Variants in CALN1 observed in about 807,000 individuals in gnomAD.
CALN1 encodes calneuron 1.
Under a neutral mutation model 30.6 loss-of-function variants are expected in CALN1, and 17 were observed. That is an observed-to-expected ratio of 0.56 (90% CI 0.38 to 0.83). CALN1 has a LOEUF of 0.83. Among genes scored for constraint, CALN1 ranks in the 40% least tolerant of loss-of-function variants. The pLI is 0.00. For synonymous variants in CALN1, 156 were observed against 131.4 expected, an observed-to-expected ratio of 1.19 and a Z score of -1.28; for missense variants, 291 against 354.9, an observed-to-expected ratio of 0.82 and a Z score of 1.45.
intron 5 of CALN1, among the ~76,000 whole-genome samples, chr7:71,856,477 G>C (rs1790952759): frequency 6.6e-6 from 1 of 152,056 alleles, no homozygotes; most frequent in Admixed American, 6.5e-5. Flanking sequence ...TTATATTTTA[G>C]AGTCAAAGAT....
At chr7:72,401,156 C>CT (rs1370312882) in intron 2 of CALN1, among the ~76,000 whole-genome samples, 12 of 152,292 alleles carry the variant, frequency 7.9e-5, no homozygotes, top group African/African-American at 2.9e-4. Context: ...ACTCCTTTCT[C>CT]TCAAGGGTCT....
rs1338947630 is a variant in CALN1, at chr7:72,111,088, C to CT, written c.245-4795dup. Among the ~76,000 whole-genome samples the CT allele has an allele frequency of 2.0e-5, 3 of 152,164 alleles. No homozygotes were observed. The East Asian group carries it at 5.8e-4, about 29-fold the overall frequency. On this transcript the variant is annotated intron_variant, in intron 3 of 6. Coordinates refer to ENST00000395275, the MANE Select transcript of CALN1 (RefSeq NM_031468.4). ...GGTGCGCCAGGGCTACGTGAGCACG[C>CT]TGTATCTTTGGTCTTTAATTAAACT...
intron 2 of CALN1, among the ~76,000 whole-genome samples, chr7:72,287,434 A>ATTT: frequency 8.3e-6 from 1 of 120,454 alleles, no homozygotes; most frequent in African/African-American, 3.2e-5. Flanking sequence ...ACACCAAATT[A>ATTT]ATTTTTTTTT....
chr7:72,223,052 T>A (rs960536057), intron 3 of CALN1, among the ~76,000 whole-genome samples: 4 of 151,956 alleles, frequency 2.6e-5, no homozygotes, highest in Non-Finnish European at 5.9e-5. Context: ...AAGGAGAGGG[T>A]AGCCCCTGCT....
At chr7:72,302,917 A>AAAAAC (rs1799387792) in intron 2 of CALN1, among the ~76,000 whole-genome samples, 7 of 140,984 alleles carry the variant, frequency 5.0e-5, no homozygotes, top group Non-Finnish European at 1.1e-4. Context: ...AAAAAAAAAA[A>AAAAAC]CGAAAAGAAT....
At chr7:72,347,484 T>C (rs1284302542) in intron 2 of CALN1, among the ~76,000 whole-genome samples, 1 of 152,056 alleles carries the variant, frequency 6.6e-6, no homozygotes, top group African/African-American at 2.4e-5. Context: ...CAGGCTGGTC[T>C]CCAACTCCCG....
At chr7:71,837,720 T>C (rs1237693440) in intron 5 of CALN1, among the ~76,000 whole-genome samples, 2 of 152,224 alleles carry the variant, frequency 1.3e-5, no homozygotes, top group African/African-American at 4.8e-5. Flanking sequence ...CTTAAGGTTC[T>C]GTTTCTGAGA....
At chr7:72,228,968 G>A (rs898361901) in intron 3 of CALN1, among the ~76,000 whole-genome samples, 1 of 150,022 alleles carries the variant, frequency 6.7e-6, no homozygotes. Context: ...TGGGGGGCGG[G>A]GATCTCACTA....
chr7:71,788,700 C>G (rs923173532), intron 6 of CALN1, among the ~76,000 whole-genome samples: 1 of 152,048 alleles, frequency 6.6e-6, no homozygotes, highest in Admixed American at 6.5e-5. Flanking sequence ...CTCTGTCACC[C>G]AGGCTGGAGT....
upstream of CALN1, among the ~76,000 whole-genome samples, chr7:72,415,995 C>G (rs770325442): frequency 3.9e-4 from 59 of 152,184 alleles, no homozygotes; most frequent in Non-Finnish European, 7.8e-4. Flanking sequence ...GGTTGTGGGT[C>G]TGCTTCTGAA....
chr7:72,330,865 T>C (rs1011715602), intron 2 of CALN1, among the ~76,000 whole-genome samples: 1 of 152,182 alleles, frequency 6.6e-6, no homozygotes, highest in African/African-American at 2.4e-5. Context: ...AAACCAGTTA[T>C]TTAGTCTTGC....
intron 5 of CALN1, among the ~76,000 whole-genome samples, chr7:71,922,157 G>A (rs1794979609): frequency 1.3e-5 from 2 of 152,242 alleles, no homozygotes; most frequent in South Asian, 4.1e-4. Flanking sequence ...AGCACTATGA[G>A]CAAATAAAAG....
At chr7:72,409,812 C>CG (rs1313503292) in intron 1 of CALN1, among the ~76,000 whole-genome samples, 1 of 152,070 alleles carries the variant, frequency 6.6e-6, no homozygotes, top group African/African-American at 2.4e-5. Context: ...CACCAAGGAA[C>CG]GTTCCCTCCC....
At chr7:72,127,838 C>T (rs1281858292) in intron 3 of CALN1, among the ~76,000 whole-genome samples, 3 of 152,072 alleles carry the variant, frequency 2.0e-5, no homozygotes, top group Non-Finnish European at 4.4e-5. Context: ...CAGAGCAAAT[C>T]TTAAATGCAC....
At position 72,251,403 on chromosome 7, in the gene CALN1, T is replaced by C. The variant is rs59024486; in HGVS notation, c.244+27283A>G. On this transcript the variant is annotated intron_variant, in intron 3 of 6. Transcript: ENST00000395275. ...TCTCTTTCCTCTGAACTACTTTTTTTTTCCTTTTTTCTTGAAACAGAGTGT... is the reference window on the plus strand; with the variant it reads ...TCTCTTTCCTCTGAACTACTTTTTTCTTCCTTTTTTCTTGAAACAGAGTGT... 6.1e-3 allele frequency among the ~76,000 whole-genome samples: 928 copies of C among 152,250 alleles called. 7 individuals are homozygous for C. Among genetic ancestry groups the C allele is most frequent in the African/African-American group, 0.019 (798 of 41,540 alleles).
chr7:71,990,964 G>T (rs1433461035), intron 5 of CALN1, among the ~76,000 whole-genome samples: 1 of 150,810 alleles, frequency 6.6e-6, no homozygotes, highest in Non-Finnish European at 1.5e-5. Flanking sequence ...ACCAACATTA[G>T]AATCTCTCTA....
At chr7:71,825,671 G>C (rs1247694795) in intron 5 of CALN1, among the ~76,000 whole-genome samples, 1 of 152,022 alleles carries the variant, frequency 6.6e-6, no homozygotes, top group East Asian at 1.9e-4. Context: ...AAGACTGCTT[G>C]GGAAGATGAG....
rs191824816 is a variant in CALN1 at position 72,096,733 on chromosome 7, T to C, written c.388+9418A>G. Among the ~76,000 whole-genome samples the C allele has an allele frequency of 5.2e-3, 788 of 152,296 alleles. 11 individuals are homozygous for C. Among genetic ancestry groups the C allele is most frequent in the African/African-American group, 0.018 (760 of 41,556 alleles). The stretch of plus-strand genomic sequence containing the variant: ...GTGGGACTGTAAACTAGTTCAACCA[T>C]TGTGGAAGACAGTGTGGCGATTCCT... On this transcript the variant is annotated intron_variant, in intron 4 of 6. Transcript: ENST00000395275.
chr7:72,242,786 G>T (rs920009963), intron 3 of CALN1, among the ~76,000 whole-genome samples: 1 of 152,164 alleles, frequency 6.6e-6, no homozygotes, highest in Non-Finnish European at 1.5e-5. Flanking sequence ...TACTCAGGAG[G>T]CTGAGGCAGG....
Sources: allele counts gnomAD v4.1 joint callset (sites outside exome capture counted in the v4.1 genomes callset), GRCh38; gene constraint gnomAD v4.1.1; transcripts MANE v1.5; gene names NCBI Gene and HGNC (gene_info 2026-07-23, HGNC 2026-07-21).